Variants in CLEC16A observed in about 807,000 individuals in gnomAD.
CLEC16A encodes protein CLEC16A.
Under a neutral mutation model 109.5 loss-of-function variants are expected in CLEC16A, and 51 were observed. The observed-to-expected ratio is 0.47, with a 90% CI of 0.37 to 0.59. CLEC16A has a LOEUF of 0.59. CLEC16A is among the 20% of genes least tolerant of loss of function. The probability of loss-of-function intolerance (pLI) is 0.00; values close to 1 mark genes in which losing one functional copy is unlikely to be tolerated. For synonymous variants in CLEC16A, 673 were observed against 564.2 expected (o/e 1.19, Z -2.73); for missense variants, 1,339 against 1,394.0 (o/e 0.96, Z 0.63).
At chr16:11,157,168 G>A in intron 22 of CLEC16A, 2 of 1,270,306 alleles carry the variant, frequency 1.6e-6, no homozygotes, top group South Asian at 1.3e-5. Context: ...AGCTATTTTT[G>A]TATGTTGGAC....
In CLEC16A at chr16:11,178,718, T is replaced by C. The variant is rs962006841; in HGVS notation, c.*28T>C. The C allele has an allele frequency of 7.0e-7, 1 of 1,428,126 alleles. No individual in the cohort carries two copies. Among genetic ancestry groups the C allele is most frequent in the Non-Finnish European group, 9.2e-7 (1 of 1,086,272 alleles). 88.5% of individuals were successfully genotyped at this position (1,428,126 alleles called of 1,614,324 possible). The stretch of plus-strand genomic sequence containing the variant: ...CAGTGCCGGGGCCTCCCTTTGTGTG[T>C]GTGGCCCCGCTGGTAGGGACCCCAG... On this transcript the variant is annotated 3_prime_UTR_variant, in exon 24 of 24. Transcript: ENST00000409790. The surrounding 1 kb of genome is among the most constrained non-coding windows in gnomAD (Gnocchi z 6.5).
intron 10 of CLEC16A, among the ~76,000 whole-genome samples, chr16:10,999,151 G>T (rs962980409): frequency 2.3e-4 from 35 of 152,220 alleles, no homozygotes; most frequent in African/African-American, 8.2e-4. Context: ...GGCCCCGGCT[G>T]GTCTTGAACT....
chr16:11,038,292 G>A (rs575652250), intron 13 of CLEC16A, among the ~76,000 whole-genome samples: 1 of 152,236 alleles, frequency 6.6e-6, no homozygotes, highest in Admixed American at 6.5e-5. Flanking sequence ...GTACTCAAGG[G>A]ACCGTATTTT....
rs778696765 is a variant in CLEC16A at position 11,020,367 on chromosome 16, A to G, written c.1436+42A>G. The G allele has an allele frequency of 4.5e-6, 7 of 1,562,866 alleles. No individual in the cohort carries two copies. In the East Asian group the frequency reaches 1.4e-4, roughly 32 times the overall value. ...TCGATGCTGAGTGCTCTCTCAGGGA[A>G]GAGGAGAGGGCTCAGTGGGGAGGTT... On this transcript the variant is annotated intron_variant, in intron 12 of 23. Transcript: ENST00000409790.
chr16:11,155,074 C>T (rs1297105264), intron 22 of CLEC16A, among the ~76,000 whole-genome samples: 1 of 151,984 alleles, frequency 6.6e-6, no homozygotes, highest in Non-Finnish European at 1.5e-5. Context: ...TGCAGTGAGC[C>T]GGGATCATGC....
At chr16:11,059,478 G>C (rs547351041) in intron 18 of CLEC16A, among the ~76,000 whole-genome samples, 1 of 152,290 alleles carries the variant, frequency 6.6e-6, no homozygotes, top group Non-Finnish European at 1.5e-5. Context: ...CACTGGTTAG[G>C]GCGCAAGGCA....
At chr16:10,998,010 C>G (rs530203889) in intron 10 of CLEC16A, among the ~76,000 whole-genome samples, 40 of 152,358 alleles carry the variant, frequency 2.6e-4, no homozygotes, top group African/African-American at 9.6e-4. Context: ...CTCGTTCACT[C>G]AGGCACCCAG....
Position 11,051,405 on chromosome 16 carries a change from C to T in CLEC16A, c.1867-108C>T, listed in dbSNP as rs1360230893. On this transcript the variant is annotated intron_variant, in intron 17 of 23. Transcript: ENST00000409790. The stretch of plus-strand genomic sequence containing the variant: ...ATCCAGGATTTAGATCACTCATTTA[C>T]ATTTACTAAATGCGGTTGAAGGCGA... 9 of 1,136,564 alleles carry T rather than the reference C, an allele frequency of 7.9e-6. No homozygotes were observed. The African/African-American group carries it at 1.1e-4, about 14-fold the overall frequency. The allele number at this position is 1,136,564 out of a possible 1,614,324, so 70.4% of individuals were successfully genotyped here.
At chr16:10,985,390 A>G (rs1222199218) in intron 10 of CLEC16A, among the ~76,000 whole-genome samples, 1 of 151,678 alleles carries the variant, frequency 6.6e-6, no homozygotes, top group East Asian at 1.9e-4. Flanking sequence ...CAGTCAGAAG[A>G]TCTGGTCCCC....
intron 22 of CLEC16A, among the ~76,000 whole-genome samples, chr16:11,142,484 G>A (rs900449109): frequency 6.6e-6 from 1 of 152,254 alleles, no homozygotes; most frequent in African/African-American, 2.4e-5. Context: ...TAGGTGTGAT[G>A]TGTCAACAGC....
At chr16:10,994,899 C>G (rs2044241019) in intron 10 of CLEC16A, among the ~76,000 whole-genome samples, 1 of 152,104 alleles carries the variant, frequency 6.6e-6, no homozygotes, top group Non-Finnish European at 1.5e-5. Flanking sequence ...TTGGGAGGTG[C>G]AGCAAATGCA....
At position 11,122,339 on chromosome 16, in the gene CLEC16A, ATTAAGTGACTTATGC is replaced by A. The variant is rs1378286016; in HGVS notation, c.2269-1399_2269-1385del. Among the ~76,000 whole-genome samples the A allele has an allele frequency of 2.0e-5, 3 of 152,372 alleles. No homozygotes were observed. The East Asian group carries it at 5.8e-4, about 29-fold the overall frequency. On this transcript the variant is annotated intron_variant, in intron 20 of 23. Coordinates refer to ENST00000409790, the MANE Select transcript of CLEC16A (RefSeq NM_015226.3). ...AAACACTCCATGTAAGACATTATCC[ATTAAGTGACTTATGC>A]TTATCTATCTAGGCTTTATCTAGGC...
intron 11 of CLEC16A, among the ~76,000 whole-genome samples, chr16:11,007,362 C>A (rs1288383976): frequency 5.3e-5 from 8 of 152,112 alleles, no homozygotes; most frequent in African/African-American, 1.9e-4. Flanking sequence ...GAAACCTGGC[C>A]TCATTTCCAG....
chr16:11,155,648 C>A (rs1484970794), intron 22 of CLEC16A, among the ~76,000 whole-genome samples: 2 of 152,218 alleles, frequency 1.3e-5, no homozygotes, highest in Non-Finnish European at 1.5e-5. Context: ...TCACATAGTT[C>A]CAGATAGTAT....
At chr16:11,048,335 C>A (rs2047745844) in intron 17 of CLEC16A, 1 of 152,272 alleles carries the variant, frequency 6.6e-6, no homozygotes, top group Admixed American at 6.5e-5. Flanking sequence ...TCGCGGGAAG[C>A]CATAGGTTCA....
chr16:11,109,320 A>AT (rs1242036778), intron 19 of CLEC16A, among the ~76,000 whole-genome samples: 1 of 151,764 alleles, frequency 6.6e-6, no homozygotes, highest in African/African-American at 2.4e-5. Context: ...CACCCAGCTA[A>AT]TTTTTTTATT....
intron 22 of CLEC16A, among the ~76,000 whole-genome samples, chr16:11,147,238 G>C (rs1046138510): frequency 6.6e-6 from 1 of 152,282 alleles, no homozygotes; most frequent in South Asian, 2.1e-4. Context: ...TTTCCGCCCT[G>C]GCCAGATAAG....
intron 22 of CLEC16A, among the ~76,000 whole-genome samples, chr16:11,133,761 C>G (rs1282438500): frequency 6.7e-6 from 1 of 149,336 alleles, no homozygotes; most frequent in East Asian, 1.9e-4. Flanking sequence ...AGCCAGTTCT[C>G]TCCTTGTAGC....
intron 3 of CLEC16A, 120 bp downstream of exon 3, chr16:10,962,708 C>A: frequency 9.3e-7 from 1 of 1,070,454 alleles, no homozygotes; most frequent in Non-Finnish European, 1.4e-6. Context: ...AACAAAATAC[C>A]ATAGACTGAG....
Sources: allele counts gnomAD v4.1 joint callset (sites outside exome capture counted in the v4.1 genomes callset), GRCh38; gene constraint gnomAD v4.1.1; non-coding constraint Gnocchi (gnomAD v3.1); transcripts MANE v1.5; gene names NCBI Gene and HGNC (gene_info 2026-07-23, HGNC 2026-07-21).